SCUBE1: variants seen among roughly 807,000 people sequenced by gnomAD.
SCUBE1 encodes the protein signal peptide, CUB domain and EGF like domain containing 1.
A neutral mutation model predicts 124.4 loss-of-function variants in SCUBE1; 59 were observed. The ratio of observed to expected loss-of-function variants is 0.47; its 90% CI spans 0.38 to 0.59. SCUBE1 has a LOEUF of 0.59. Among genes scored for constraint, SCUBE1 ranks in the 20% least tolerant of loss-of-function variants. SCUBE1 has a pLI of 0.00. For synonymous variants in SCUBE1, 545 were observed against 550.9 expected (o/e 0.99, Z 0.15); for missense variants, 1,150 against 1,371.2 (o/e 0.84, Z 2.55).
chr22:43,297,500 G>A (rs1385793773), intron 3 of SCUBE1, among the ~76,000 whole-genome samples: 5 of 152,246 alleles, frequency 3.3e-5, no homozygotes, highest in African/African-American at 9.6e-5. Context: ...CACAGGCGCA[G>A]GCCACCTCCA....
At chr22:43,238,717 C>A (rs1203809997) in intron 7 of SCUBE1, 121 bp downstream of exon 7, 1 of 835,096 alleles carries the variant, frequency 1.2e-6, no homozygotes, top group East Asian at 2.4e-5. Context: ...GCCACGTGTC[C>A]TTTCCCACAG....
intron 3 of SCUBE1, among the ~76,000 whole-genome samples, chr22:43,299,354 G>A (rs913168909): frequency 2.6e-5 from 4 of 152,172 alleles, no homozygotes; most frequent in African/African-American, 9.7e-5. Context: ...AAATGCAAAA[G>A]CAACAACAAA....
At chr22:43,336,122 T>C (rs1330331989) in intron 2 of SCUBE1, among the ~76,000 whole-genome samples, 1 of 152,202 alleles carries the variant, frequency 6.6e-6, no homozygotes, top group Non-Finnish European at 1.5e-5. Flanking sequence ...CAGTGCACTA[T>C]ACTGTGCCTC....
intron 3 of SCUBE1, among the ~76,000 whole-genome samples, chr22:43,304,346 A>G (rs751912510): frequency 6.6e-6 from 1 of 152,250 alleles, no homozygotes; most frequent in Non-Finnish European, 1.5e-5. Context: ...TGCATGGGTA[A>G]ACAGGGAAAG....
At chr22:43,340,583 G>T (rs1927281177) in intron 1 of SCUBE1, among the ~76,000 whole-genome samples, 1 of 151,156 alleles carries the variant, frequency 6.6e-6, no homozygotes. Flanking sequence ...GTTCAGCACA[G>T]TCAGAGCTGT....
At chr22:43,226,793 A>G (rs1922336429) in intron 10 of SCUBE1, among the ~76,000 whole-genome samples, 1 of 151,896 alleles carries the variant, frequency 6.6e-6, no homozygotes. Context: ...ACAGGGTCCC[A>G]TGTACAGGGA....
chr22:43,281,665 GCCAT>G (rs1924917026), intron 4 of SCUBE1, among the ~76,000 whole-genome samples: 1 of 151,548 alleles, frequency 6.6e-6, no homozygotes, highest in Non-Finnish European at 1.5e-5. Flanking sequence ...CTCCCCCTCA[GCCAT>G]CCTGCCCTCT....
rs948013333 is a variant in SCUBE1, at chr22:43,292,123, G to A, written c.350-943C>T. On this transcript the variant is annotated intron_variant, in intron 3 of 21. Coordinates refer to ENST00000360835, the MANE Select transcript of SCUBE1 (RefSeq NM_173050.5). ...CCATCAGCAGCACAACACGATAACA[G>A]GCTGGAGCACAGCACAGTGCCCCAA... is the stretch of plus-strand genomic sequence containing the variant. Among the ~76,000 whole-genome samples the A allele has an allele frequency of 5.3e-5, 8 of 152,322 alleles. 1 individual carries two copies.
intron 7 of SCUBE1, chr22:43,238,352 CCTT>C (rs1269313690): frequency 4.0e-6 from 1 of 251,172 alleles, no homozygotes; most frequent in Non-Finnish European, 7.6e-6. Flanking sequence ...GACACACTGT[CCTT>C]ATTTTTCCTG....
intron 2 of SCUBE1, among the ~76,000 whole-genome samples, chr22:43,330,730 G>A (rs1487313397): frequency 6.6e-6 from 1 of 152,178 alleles, no homozygotes; most frequent in Non-Finnish European, 1.5e-5. Flanking sequence ...GTGGTCATTG[G>A]CTCCAAGAAC....
chr22:43,288,279 G>T (rs1166336068), intron 4 of SCUBE1, among the ~76,000 whole-genome samples: 2 of 152,062 alleles, frequency 1.3e-5, no homozygotes, highest in East Asian at 3.9e-4. Flanking sequence ...AGCCATGTGT[G>T]CCCAGGGTCC....
chr22:43,324,385 A>G (rs962669933), intron 2 of SCUBE1, among the ~76,000 whole-genome samples: 3 of 152,200 alleles, frequency 2.0e-5, no homozygotes, highest in Admixed American at 6.5e-5. Flanking sequence ...TCCATCCCCA[A>G]TTAGTTCTCC....
rs373540147 is a variant in SCUBE1, at chr22:43,221,256, C to G, written c.1466G>C (p.Arg489Pro). ...GCACTTGGCATCTCGGATCTTGAAG[C>G]GGGCCTTCTGTTTGATGGGGGTGGT... ...APTTPIKQKA[R>P]FKIRDAKCHL... Residue 489 changes from arginine to proline, a missense_variant, in exon 13 of 22, where the codon CGC becomes CCC. Arg to Pro is a moderately radical substitution (Grantham distance 103). Around this residue, in one of 3 missense-constraint regions of SCUBE1, gnomAD observed 757 missense variants for 840.9 expected, o/e 0.90. Transcript: ENST00000360835. 3.8e-6 allele frequency: 6 copies of G among 1,596,580 alleles called. No homozygotes were observed. The highest frequency in any genetic ancestry group is 3.4e-5 in the Admixed American group (2 of 59,436).
intron 10 of SCUBE1, among the ~76,000 whole-genome samples, chr22:43,225,106 C>A (rs1922250189): frequency 6.6e-6 from 1 of 152,140 alleles, no homozygotes; most frequent in African/African-American, 2.4e-5. Flanking sequence ...ACCTTGGCCT[C>A]AGTTTCCTCC....
rs143164997 is a variant in SCUBE1 at position 43,204,927 on chromosome 22, G to C, written c.2815-778C>G. ...CCACTGCACTCCATGCTGGATGACA[G>C]AGCGAGACTGTCTCAAAAAAAAAAA... On this transcript the variant is annotated intron_variant, in intron 21 of 21. Coordinates refer to ENST00000360835, the MANE Select transcript of SCUBE1 (RefSeq NM_173050.5). 1.7e-4 allele frequency among the ~76,000 whole-genome samples: 26 copies of C among 148,874 alleles called. 1 individual carries two copies. The highest frequency in any genetic ancestry group is 6.5e-4 in the African/African-American group (26 of 40,124).
chr22:43,265,563 G>A (rs1007803147), intron 4 of SCUBE1, among the ~76,000 whole-genome samples: 12 of 152,294 alleles, frequency 7.9e-5, no homozygotes, highest in African/African-American at 2.4e-4. Flanking sequence ...CCCCCTGCAC[G>A]CTGCCTCTCA....
At chr22:43,275,696 T>C (rs184174060) in intron 4 of SCUBE1, among the ~76,000 whole-genome samples, 8 of 152,024 alleles carry the variant, frequency 5.3e-5, no homozygotes, top group Admixed American at 2.6e-4. Context: ...GGGAGGGGAA[T>C]GGGAAATGGC....
intron 3 of SCUBE1, among the ~76,000 whole-genome samples, chr22:43,319,580 A>AAG (rs869134813): frequency 6.7e-6 from 1 of 149,610 alleles, no homozygotes; most frequent in Non-Finnish European, 1.5e-5. Flanking sequence ...AAAAAAAAAA[A>AAG]GAAGAGGAGA....
chr22:43,227,548 G>T, intron 9 of SCUBE1, 52 bp from the exon 10 acceptor site: 1 of 1,590,606 alleles, frequency 6.3e-7, no homozygotes. Flanking sequence ...GCTGGCGGCT[G>T]GCAGGGGAAG....
Sources: allele counts gnomAD v4.1 joint callset (sites outside exome capture counted in the v4.1 genomes callset), GRCh38; gene constraint gnomAD v4.1.1; regional missense constraint gnomAD v4.1.1; transcripts MANE v1.5; gene names NCBI Gene and HGNC (gene_info 2026-07-23, HGNC 2026-07-21).